Variants in PDE4D observed in about 807,000 individuals in gnomAD.
The protein encoded by PDE4D is 3',5'-cyclic-AMP phosphodiesterase 4D.
In PDE4D, 24 loss-of-function variants were observed where a neutral mutation model predicts 87.4. The ratio of observed to expected loss-of-function variants is 0.27; its 90% CI spans 0.20 to 0.39. The LOEUF (loss-of-function observed/expected upper bound fraction) is 0.39, where lower values mean the gene tolerates loss of function less well. Among genes scored for constraint, PDE4D ranks in the 10% least tolerant of loss-of-function variants. The probability of loss-of-function intolerance (pLI) is 1.00; values close to 1 mark genes in which losing one functional copy is unlikely to be tolerated. For missense variants in PDE4D, 714 were observed against 1,041.0 expected, an observed-to-expected ratio of 0.69 and a Z score of 4.32; for synonymous variants, 384 against 383.2, an observed-to-expected ratio of 1.00 and a Z score of -0.02.
intron 1 of PDE4D, among the ~76,000 whole-genome samples, chr5:59,864,494 A>T (rs1411656725): frequency 6.6e-6 from 1 of 152,214 alleles, no homozygotes; most frequent in Non-Finnish European, 1.5e-5. Flanking sequence ...TTTTTATTTC[A>T]CTTGCCCTTT....
chr5:59,962,914 AT>A (rs1759634268), intron 3 of PDE4D, among the ~76,000 whole-genome samples: 1 of 152,172 alleles, frequency 6.6e-6, no homozygotes, highest in Admixed American at 6.5e-5. Context: ...CTTAAAGGGA[AT>A]TCCATATCTG....
intron 1 of PDE4D, among the ~76,000 whole-genome samples, chr5:60,263,222 G>A (rs1749838208): frequency 1.3e-5 from 2 of 152,274 alleles, no homozygotes; most frequent in Non-Finnish European, 2.9e-5. Flanking sequence ...CAAAGCAGAT[G>A]TCTTAGGGTA....
chr5:59,350,182 C>G (rs1247344758), intron 1 of PDE4D, among the ~76,000 whole-genome samples: 2 of 152,096 alleles, frequency 1.3e-5, no homozygotes, highest in African/African-American at 4.8e-5. Context: ...ATTCAGAAAC[C>G]TGTCCTTCCA....
At chr5:59,431,844 A>T (rs1204537541) in intron 1 of PDE4D, among the ~76,000 whole-genome samples, 2 of 151,914 alleles carry the variant, frequency 1.3e-5, no homozygotes, top group Non-Finnish European at 2.9e-5. Flanking sequence ...AGTTCTCATC[A>T]TTTATCTCCC....
chr5:59,131,441 G>T (rs900475714), intron 5 of PDE4D, among the ~76,000 whole-genome samples: 20 of 152,032 alleles, frequency 1.3e-4, no homozygotes, highest in African/African-American at 4.8e-4. Context: ...GCTGTGTTTC[G>T]CACTGCAAGT....
rs34688238 is a variant in PDE4D, at chr5:59,009,581, G to A, written c.922-16116C>T. On this transcript the variant is annotated intron_variant, in intron 6 of 14. Transcript: ENST00000340635. Reference sequence around the variant, plus strand: ...ACCATAGGGACAATCAGCACTGGACGTGGGGTTTGGGGAATGACTATAAAA... The same window carrying A: ...ACCATAGGGACAATCAGCACTGGACATGGGGTTTGGGGAATGACTATAAAA... 4.4e-3 allele frequency among the ~76,000 whole-genome samples: 671 copies of A among 152,124 alleles called. 2 individuals are homozygous for A. The highest frequency in any genetic ancestry group is 7.6e-3 in the Non-Finnish European group (519 of 67,968).
intron 2 of PDE4D, among the ~76,000 whole-genome samples, chr5:60,077,333 G>A (rs1003610574): frequency 1.3e-5 from 2 of 152,190 alleles, no homozygotes; most frequent in African/African-American, 4.8e-5. Context: ...AAAGCAATGT[G>A]GGGGTGGCCA....
chr5:59,805,805 T>C (rs1767667368), intron 1 of PDE4D, among the ~76,000 whole-genome samples: 1 of 152,192 alleles, frequency 6.6e-6, no homozygotes, highest in South Asian at 2.1e-4. Context: ...TAATAAGACC[T>C]GAGTTAGGAC....
At chr5:60,513,784 GA>G (rs1369372681) in intron 1 of PDE4D, among the ~76,000 whole-genome samples, 15 of 151,870 alleles carry the variant, frequency 9.9e-5, no homozygotes, top group Non-Finnish European at 2.2e-4. Flanking sequence ...GAATAAAAGT[GA>G]AAATCCTACA....
chr5:59,385,149 C>T (rs1305792977), intron 1 of PDE4D, among the ~76,000 whole-genome samples: 2 of 152,118 alleles, frequency 1.3e-5, no homozygotes, highest in Non-Finnish European at 2.9e-5. Flanking sequence ...ATCTGTACTT[C>T]TCAGCTAGTT....
chr5:59,450,520 T>G (rs1171467385), intron 1 of PDE4D, among the ~76,000 whole-genome samples: 1 of 152,180 alleles, frequency 6.6e-6, no homozygotes, highest in Non-Finnish European at 1.5e-5. Flanking sequence ...GCTGGTTTTT[T>G]AAAAACAACT....
intron 1 of PDE4D, among the ~76,000 whole-genome samples, chr5:59,716,936 T>C (rs1427208462): frequency 2.0e-5 from 3 of 152,196 alleles, no homozygotes; most frequent in Non-Finnish European, 4.4e-5. Flanking sequence ...ATTTTGGACT[T>C]GTTTTTGCAT....
intron 1 of PDE4D, among the ~76,000 whole-genome samples, chr5:60,345,562 T>C (rs895500247): frequency 2.2e-5 from 3 of 138,056 alleles, no homozygotes; most frequent in African/African-American, 9.1e-5. Flanking sequence ...AGCTCTTCCC[T>C]CTCCAAAAAA....
At chr5:60,027,824 A>G (rs1293966630) in intron 2 of PDE4D, among the ~76,000 whole-genome samples, 1 of 152,238 alleles carries the variant, frequency 6.6e-6, no homozygotes, top group African/African-American at 2.4e-5. Flanking sequence ...GAATCTATCC[A>G]TATTTTTAAA....
chr5:59,658,345 C>T (rs898711563), intron 1 of PDE4D, among the ~76,000 whole-genome samples: 2 of 151,986 alleles, frequency 1.3e-5, no homozygotes, highest in Non-Finnish European at 2.9e-5. Context: ...AGTCTGGAAA[C>T]TCTATTCCAT....
intron 1 of PDE4D, among the ~76,000 whole-genome samples, chr5:59,468,164 C>G (rs908982616): frequency 6.6e-6 from 1 of 152,142 alleles, no homozygotes; most frequent in Non-Finnish European, 1.5e-5. Flanking sequence ...ATGAATATTT[C>G]ATGAACACTG....
At chr5:58,980,570 C>T (rs1744872736) in intron 11 of PDE4D, among the ~76,000 whole-genome samples, 1 of 152,116 alleles carries the variant, frequency 6.6e-6, no homozygotes, top group Non-Finnish European at 1.5e-5. Flanking sequence ...CAATTGTGCT[C>T]ATTTGTTACA....
chr5:59,895,374 C>T (rs114712430), upstream of PDE4D, among the ~76,000 whole-genome samples: 741 of 152,194 alleles, frequency 4.9e-3, 4 homozygotes, highest in Middle Eastern at 0.014. Context: ...TAATATGAGC[C>T]CTCTGCTCAT....
At chr5:60,119,937 C>T (rs557078716) in intron 2 of PDE4D, among the ~76,000 whole-genome samples, 23 of 152,194 alleles carry the variant, frequency 1.5e-4, no homozygotes, top group African/African-American at 5.3e-4. Context: ...CATATGAGCT[C>T]ACACTGAGAG....
Sources: allele counts gnomAD v4.1 joint callset (sites outside exome capture counted in the v4.1 genomes callset), GRCh38; gene constraint gnomAD v4.1.1; transcripts MANE v1.5; gene names NCBI Gene and HGNC (gene_info 2026-07-23, HGNC 2026-07-21).